NEK11: variants seen among roughly 807,000 people sequenced by gnomAD.
The protein encoded by NEK11 is NIMA related kinase 11, also known as serine/threonine-protein kinase Nek11.
Under a neutral mutation model 80.7 loss-of-function variants are expected in NEK11, and 72 were observed. The observed-to-expected ratio is 0.89, with a 90% CI of 0.74 to 1.08. The LOEUF (loss-of-function observed/expected upper bound fraction) is 1.08, where lower values mean the gene tolerates loss of function less well. Among genes scored for constraint, NEK11 ranks in the 50% least tolerant of loss-of-function variants. NEK11 has a pLI of 0.00. For missense variants in NEK11, 764 were observed against 763.6 expected (o/e 1.00, Z -0.01); for synonymous variants, 251 against 260.7 (o/e 0.96, Z 0.36).
chr3:131,319,920 T>A (rs923885540), intron 17 of NEK11, among the ~76,000 whole-genome samples: 6 of 152,072 alleles, frequency 3.9e-5, no homozygotes, highest in African/African-American at 1.4e-4. Flanking sequence ...GAAACAGCAC[T>A]TTCTATTTTT....
intron 14 of NEK11, among the ~76,000 whole-genome samples, chr3:131,196,846 CTTTTTTT>C (rs112705042): frequency 7.2e-6 from 1 of 138,142 alleles, no homozygotes; most frequent in Non-Finnish European, 1.6e-5. Flanking sequence ...CTTTTCTTTT[CTTTTTTT>C]TTTTTTTTGC....
At chr3:131,255,575 C>A (rs1031522688) in intron 16 of NEK11, among the ~76,000 whole-genome samples, 20 of 152,174 alleles carry the variant, frequency 1.3e-4, no homozygotes, top group African/African-American at 4.6e-4. Context: ...TAGCACCAAA[C>A]TTCTTGATAT....
intron 17 of NEK11, among the ~76,000 whole-genome samples, chr3:131,294,171 A>G (rs1165024929): frequency 2.0e-5 from 3 of 151,936 alleles, no homozygotes; most frequent in African/African-American, 7.2e-5. Context: ...TGGATTTTAT[A>G]TCTTTCTTCC....
intron 3 of NEK11, among the ~76,000 whole-genome samples, chr3:131,071,633 T>C (rs2073321894): frequency 6.6e-6 from 1 of 152,058 alleles, no homozygotes; most frequent in South Asian, 2.1e-4. Context: ...AATTTTGAAT[T>C]ATGTTTTCAA....
chr3:131,167,353 A>G (rs1160104596), intron 12 of NEK11, among the ~76,000 whole-genome samples: 1 of 152,194 alleles, frequency 6.6e-6, no homozygotes, highest in Non-Finnish European at 1.5e-5. Flanking sequence ...CAGGCATGGT[A>G]TTATTTTGTT....
At chr3:131,175,634 T>C (rs1358637300) in intron 14 of NEK11, among the ~76,000 whole-genome samples, 1 of 152,098 alleles carries the variant, frequency 6.6e-6, no homozygotes, top group African/African-American at 2.4e-5. Context: ...CATGGAAACC[T>C]TTTTTTGTGA....
intron 14 of NEK11, among the ~76,000 whole-genome samples, chr3:131,198,412 C>T (rs190406101): frequency 2.6e-5 from 4 of 152,246 alleles, no homozygotes; most frequent in Non-Finnish European, 5.9e-5. Context: ...TGCACAAGTG[C>T]GCAGTCACAG....
intron 14 of NEK11, among the ~76,000 whole-genome samples, chr3:131,213,716 A>G (rs2094713943): frequency 1.3e-5 from 2 of 152,190 alleles, no homozygotes; most frequent in African/African-American, 4.8e-5. Flanking sequence ...GAAGCATGTC[A>G]GAAATGCAGA....
At chr3:131,305,031 A>C (rs1356483582) in intron 17 of NEK11, among the ~76,000 whole-genome samples, 1 of 151,778 alleles carries the variant, frequency 6.6e-6, no homozygotes, top group East Asian at 1.9e-4. Context: ...TGCTGGTGGC[A>C]GCAGGGGAGG....
At chr3:131,133,539 T>G (rs2718865) in intron 6 of NEK11, among the ~76,000 whole-genome samples, 145,831 of 152,248 alleles carry the variant, frequency 0.96, 69,893 homozygotes, top group East Asian at 1. Flanking sequence ...ATTCAGACTT[T>G]AAATAGCTTT....
chr3:131,077,381 G>A (rs1016903175), intron 3 of NEK11, among the ~76,000 whole-genome samples: 1 of 152,142 alleles, frequency 6.6e-6, no homozygotes, highest in African/African-American at 2.4e-5. Context: ...GGTAAGGAAG[G>A]TGAACGTCTC....
At chr3:131,177,912 C>G (rs1440865364) in intron 14 of NEK11, among the ~76,000 whole-genome samples, 1 of 152,180 alleles carries the variant, frequency 6.6e-6, no homozygotes, top group African/African-American at 2.4e-5. Flanking sequence ...CATCCTTAAG[C>G]AAACATCAGA....
intron 14 of NEK11, among the ~76,000 whole-genome samples, chr3:131,205,107 T>C (rs1219270728): frequency 6.6e-6 from 1 of 152,148 alleles, no homozygotes; most frequent in Non-Finnish European, 1.5e-5. Flanking sequence ...AACTAACCTC[T>C]GTATGGCAAG....
At chr3:131,161,380 C>G (rs533937911) in intron 10 of NEK11, among the ~76,000 whole-genome samples, 56 of 152,148 alleles carry the variant, frequency 3.7e-4, no homozygotes, top group Non-Finnish European at 3.8e-4. Context: ...GACACATGCA[C>G]GCATATGTTC....
intron 14 of NEK11, among the ~76,000 whole-genome samples, chr3:131,186,528 T>C (rs889456307): frequency 2.6e-5 from 4 of 152,168 alleles, no homozygotes; most frequent in Admixed American, 2.6e-4. Flanking sequence ...TGTTGGTGCA[T>C]CAGGGATACC....
At chr3:131,055,646 C>T (rs1375510372) in intron 3 of NEK11, among the ~76,000 whole-genome samples, 1 of 152,138 alleles carries the variant, frequency 6.6e-6, no homozygotes, top group Non-Finnish European at 1.5e-5. Context: ...GAAAGGATCA[C>T]TTGAGCCCAG....
intron 17 of NEK11, among the ~76,000 whole-genome samples, chr3:131,291,399 A>G (rs1292485111): frequency 3.3e-5 from 5 of 152,208 alleles, no homozygotes; most frequent in Non-Finnish European, 7.3e-5. Flanking sequence ...ATCCATGTTC[A>G]ATTCTCTCTG....
At chr3:131,140,996 T>G (rs2086768854) in intron 7 of NEK11, among the ~76,000 whole-genome samples, 1 of 152,114 alleles carries the variant, frequency 6.6e-6, no homozygotes, top group Non-Finnish European at 1.5e-5. Flanking sequence ...CCACATTTCT[T>G]CTCAAGTCAA....
At chr3:131,263,838 A>AC (rs2095986369) in intron 16 of NEK11, among the ~76,000 whole-genome samples, 1 of 152,196 alleles carries the variant, frequency 6.6e-6, no homozygotes, top group Non-Finnish European at 1.5e-5. Flanking sequence ...CCAACAGTGT[A>AC]AAAGTCCCTA....
Sources: gnomAD v4.1 joint callset for allele counts (sites outside exome capture counted in the v4.1 genomes callset) on GRCh38, gnomAD v4.1.1 for gene constraint, MANE v1.5 for transcripts, NCBI Gene and HGNC (gene_info 2026-07-23, HGNC 2026-07-21) for gene names.